Variants in TET3 observed in about 807,000 individuals in gnomAD.
TET3 encodes methylcytosine dioxygenase TET3.
In TET3, 19 loss-of-function variants were observed where a neutral mutation model predicts 141.4. The observed-to-expected ratio is 0.13, with a 90% CI of 0.09 to 0.20. TET3 has a LOEUF of 0.20. Among genes scored for constraint, TET3 ranks in the 10% least tolerant of loss-of-function variants. The pLI, the probability that TET3 is intolerant of heterozygous loss-of-function variation, is 1.00. For missense variants in TET3, 1,874 were observed against 2,356.9 expected (o/e 0.80, Z 4.24); for synonymous variants, 1,043 against 980.9 (o/e 1.06, Z -1.18).
At position 74,048,270 on chromosome 2, in the gene TET3, A is replaced by G. The variant is rs1372701236; in HGVS notation, c.2353A>G (p.Thr785Ala). Residue 785 changes from threonine to alanine, a missense_variant, in exon 4 of 12, where the codon ACC becomes GCC. Thr to Ala is a moderately conservative substitution (Grantham distance 58, BLOSUM62 0). Around this residue, in one of 10 missense-constraint regions of TET3, gnomAD observed 83 missense variants for 107.0 expected, o/e 0.78. Coordinates refer to ENST00000409262, the MANE Select transcript of TET3 (RefSeq NM_001287491.2). ...GGAGGGAGGACAGGAGGCCACACCC[A>G]CCAAGGCTGAGAACCCACTCACACC... ...SEEGGQEATPTKAENPLTPTL... is the reference protein window; with the variant it reads ...SEEGGQEATPAKAENPLTPTL... The G allele has an allele frequency of 6.2e-7, 1 of 1,613,770 alleles. No individual in the cohort carries two copies. Among genetic ancestry groups the G allele is most frequent in the Non-Finnish European group, 8.5e-7 (1 of 1,179,818 alleles).
chr2:74,121,632 C>G, the TET3 span: 1 of 152,188 alleles, frequency 6.6e-6, no homozygotes, highest in Non-Finnish European at 1.5e-5. Flanking sequence ...AAATAAAGCT[C>G]CAAAGCAGCA....
chr2:74,113,002 G>A (rs1482927264), downstream of TET3, among the ~76,000 whole-genome samples: 3 of 73,618 alleles, frequency 4.1e-5, no homozygotes, highest in East Asian at 8.9e-4. Context: ...GTGAGACTCC[G>A]TCTCAAAAAA....
chr2:74,039,331 C>A (rs954572700), intron 3 of TET3, among the ~76,000 whole-genome samples: 14 of 152,200 alleles, frequency 9.2e-5, no homozygotes, highest in Non-Finnish European at 1.9e-4. Context: ...TCTGAGATTT[C>A]TTTGAGATAA....
In TET3 at chr2:74,107,556, G is replaced by C. The variant is rs1323445538; in HGVS notation, c.*5380G>C. ...TTTCTTTTGAGGGGAAAAGAGGGGAGAAAAACAGGAGTGATGTCATTTCTT... is the reference window on the plus strand; with the variant it reads ...TTTCTTTTGAGGGGAAAAGAGGGGACAAAAACAGGAGTGATGTCATTTCTT... On this transcript the variant is annotated 3_prime_UTR_variant, in exon 12 of 12. Coordinates refer to ENST00000409262, the MANE Select transcript of TET3 (RefSeq NM_001287491.2). The C allele has an allele frequency of 6.6e-6, 1 of 152,146 alleles. No individual in the cohort carries two copies. Among genetic ancestry groups the C allele is most frequent in the Non-Finnish European group, 1.5e-5 (1 of 68,016 alleles). The allele number at this position is 152,146 out of a possible 1,614,324, so 9.4% of individuals were successfully genotyped here.
chr2:74,031,549 T>A (rs767632735), intron 3 of TET3, among the ~76,000 whole-genome samples: 10 of 152,210 alleles, frequency 6.6e-5, no homozygotes, highest in Non-Finnish European at 1.5e-4. Flanking sequence ...AGATGAGTTG[T>A]GTGACTTTTC....
chr2:74,047,373 A>T lies in TET3; in HGVS notation c.1456A>T (p.Thr486Ser). 1 of 1,613,830 alleles carries T rather than the reference A, an allele frequency of 6.2e-7. No homozygotes were observed. The highest frequency in any genetic ancestry group is 8.5e-7 in the Non-Finnish European group (1 of 1,179,862). ...SVFKRPEALPTKPKVKVEAPS... is the reference protein window; with the variant it reads ...SVFKRPEALPSKPKVKVEAPS... The stretch of plus-strand genomic sequence containing the variant: ...ATTCAAGCGGCCTGAGGCCCTGCCT[A>T]CCAAGCCCAAGGTCAAGGTGGAGGC... The change falls in exon 4 of 12, where the codon ACC becomes TCC. Residue 486 changes from threonine (T) to serine (S), a missense_variant. By Grantham distance (58) the Thr-to-Ser change is moderately conservative. Coordinates refer to ENST00000409262, the MANE Select transcript of TET3 (RefSeq NM_001287491.2).
chr2:74,093,199 G>A lies in TET3; in HGVS notation c.3129+208G>A, dbSNP rs991309976. On this transcript the variant is annotated intron_variant, in intron 9 of 11. Transcript: ENST00000409262. This position sits in a 1 kb window ranked among gnomAD's most constrained non-coding sequence, Gnocchi z 4.2. ...TCCCACACCGTCCCTCTTCTATCCT[G>A]GTCTTCTCCCTTCCCCTGGTAACCC... 6.6e-6 allele frequency among the ~76,000 whole-genome samples: 1 copy of A among 152,090 alleles called. No individual in the cohort carries two copies. The highest frequency in any genetic ancestry group is 2.4e-5 in the African/African-American group (1 of 41,412).
chr2:74,058,640 C>G (rs1469609608), intron 4 of TET3, among the ~76,000 whole-genome samples: 5 of 151,572 alleles, frequency 3.3e-5, no homozygotes, highest in Non-Finnish European at 7.4e-5. Context: ...TTGAAATACA[C>G]ATACAGGAAG....
chr2:74,068,540 T>C (rs543917865), intron 4 of TET3, among the ~76,000 whole-genome samples: 1 of 152,360 alleles, frequency 6.6e-6, no homozygotes, highest in East Asian at 1.9e-4. Flanking sequence ...ATTTTTCCAT[T>C]ACAAACAATG....
intron 4 of TET3, among the ~76,000 whole-genome samples, chr2:74,056,685 A>G (rs1688237243): frequency 6.6e-6 from 1 of 152,214 alleles, no homozygotes; most frequent in African/African-American, 2.4e-5. Context: ...TGGGGACTAC[A>G]AGGTAAAATA....
At position 74,089,886 on chromosome 2, in the gene TET3, G is replaced by C; in HGVS notation, c.2889-11G>C. The C allele has an allele frequency of 1.2e-6, 2 of 1,613,980 alleles. No individual in the cohort carries two copies. The highest frequency in any genetic ancestry group is 1.7e-6 in the Non-Finnish European group (2 of 1,179,856). ...TGCATCTATATCCCTGACCTGTGCT[G>C]TGTGTTGCAGCCGGACCTGCGCTTG... On this transcript the variant is annotated splice_polypyrimidine_tract_variant and intron_variant, in intron 7 of 11. Transcript: ENST00000409262.
In TET3 at chr2:73,986,379, C is replaced by T; in HGVS notation, c.-25C>T. On this transcript the variant is annotated 5_prime_UTR_variant, in exon 2 of 12. Coordinates refer to ENST00000409262, the MANE Select transcript of TET3 (RefSeq NM_001287491.2). ...AACGACTGTGGTTCTGCCCCAGCAC[C>T]TATGACCCCACCTCTGGCAGCATCA... The T allele has an allele frequency of 8.1e-7, 1 of 1,232,218 alleles. No individual in the cohort carries two copies. The highest frequency in any genetic ancestry group is 1.0e-6 in the Non-Finnish European group (1 of 988,132). The allele number at this position is 1,232,218 out of a possible 1,614,324, so 76.3% of individuals were successfully genotyped here.
intron 2 of TET3, chr2:74,002,782 AC>A: frequency 1.8e-6 from 1 of 562,146 alleles, no homozygotes; most frequent in Non-Finnish European, 3.1e-6. Context: ...CGGCCGATGC[AC>A]CAGAGGAGGC....
In TET3 at chr2:74,099,612, GGT is replaced by G. The variant is rs1288143395; in HGVS notation, c.3604+6_3604+7del. 2 of 1,559,618 alleles carry G rather than the reference GGT, an allele frequency of 1.3e-6. No homozygotes were observed. Among genetic ancestry groups the G allele is most frequent in the African/African-American group, 1.4e-5 (1 of 73,608 alleles). The stretch of plus-strand genomic sequence containing the variant: ...GCTGGCGGGCATTACGTCGGACCCA[GGT>G]GTGTGGGGGGAGGGTGCCCGCTTGG... On this transcript the variant is annotated splice_donor_variant, in intron 11 of 11. Transcript: ENST00000409262. LOFTEE classifies it high-confidence loss of function.
At position 74,047,887 on chromosome 2, in the gene TET3, C is replaced by G; in HGVS notation, c.1970C>G (p.Pro657Arg). The G allele has an allele frequency of 6.2e-7, 1 of 1,613,256 alleles. No individual in the cohort carries two copies. The highest frequency in any genetic ancestry group is 8.5e-7 in the Non-Finnish European group (1 of 1,179,572). The change falls in exon 4 of 12, where the codon CCC becomes CGC. Residue 657 changes from proline to arginine, a missense_variant. By Grantham distance (103) the Pro-to-Arg change is moderately radical. Transcript: ENST00000409262. ...PLPASQGSAV[P>R]LPPEPSLALF... ...CCTGCCTCACAGGGCTCTGCTGTGC[C>G]CCTGCCCCCAGAACCTTCTCTTGCG...
At chr2:74,062,464 T>C (rs1348211817) in intron 4 of TET3, among the ~76,000 whole-genome samples, 3 of 152,250 alleles carry the variant, frequency 2.0e-5, no homozygotes, top group Non-Finnish European at 4.4e-5. Context: ...TATATTTTTA[T>C]GTTAAACATC....
intron 2 of TET3, chr2:73,993,650 G>T (rs1684440430): frequency 6.6e-6 from 1 of 152,146 alleles, no homozygotes; most frequent in African/African-American, 2.4e-5. Context: ...GAGATTTACT[G>T]CATGTTTCTG....
At chr2:74,074,794 T>C (rs893197984) in intron 5 of TET3, among the ~76,000 whole-genome samples, 5 of 152,378 alleles carry the variant, frequency 3.3e-5, no homozygotes, top group East Asian at 1.9e-4. Flanking sequence ...AAAAGGTAGA[T>C]AGTCATTAAC....
chr2:74,010,449 C>A (rs1648250706), intron 3 of TET3, among the ~76,000 whole-genome samples: 1 of 152,228 alleles, frequency 6.6e-6, no homozygotes, highest in Non-Finnish European at 1.5e-5. Flanking sequence ...ACAGGCAGGA[C>A]CATGCTTCAA....
Sources: allele counts gnomAD v4.1 joint callset (sites outside exome capture counted in the v4.1 genomes callset), GRCh38; gene constraint gnomAD v4.1.1; regional missense constraint gnomAD v4.1.1; non-coding constraint Gnocchi (gnomAD v3.1); transcripts MANE v1.5; gene names NCBI Gene and HGNC (gene_info 2026-07-23, HGNC 2026-07-21).